The following RNF180 variants were observed in gnomAD, a reference collection of about 807,000 sequenced individuals.
The protein encoded by RNF180 is E3 ubiquitin-protein ligase RNF180.
RNF180 carries 38 observed loss-of-function variants against 59.2 expected under a neutral mutation model. The ratio of observed to expected loss-of-function variants is 0.64; its 90% confidence interval spans 0.50 to 0.84. RNF180 has a LOEUF of 0.84. RNF180 is among the 40% of genes least tolerant of loss of function. RNF180 has a pLI of 0.00. For missense variants in RNF180, 705 were observed against 700.9 expected, an observed-to-expected ratio of 1.01 and a Z score of -0.07; for synonymous variants, 262 against 240.3, an observed-to-expected ratio of 1.09 and a Z score of -0.84.
chr5:64,313,466 G>A (rs565991906), intron 5 of RNF180, among the ~76,000 whole-genome samples: 61 of 152,158 alleles, frequency 4.0e-4, no homozygotes, highest in African/African-American at 1.4e-3. Flanking sequence ...CTCCATCCAC[G>A]TTGCTGAAAA....
chr5:64,277,178 T>TAA (rs1191379408), intron 5 of RNF180, among the ~76,000 whole-genome samples: 1 of 112,462 alleles, frequency 8.9e-6, no homozygotes. Flanking sequence ...TGGGTGGTCT[T>TAA]AAAAAAAAAA....
chr5:64,193,042 G>A (rs1359679904), intron 1 of RNF180, among the ~76,000 whole-genome samples: 1 of 150,736 alleles, frequency 6.6e-6, no homozygotes, highest in Non-Finnish European at 1.5e-5. Flanking sequence ...TCACAGAAGG[G>A]CAAATACATT....
At chr5:64,318,435 C>G (rs549447978) in intron 5 of RNF180, among the ~76,000 whole-genome samples, 1 of 152,078 alleles carries the variant, frequency 6.6e-6, no homozygotes, top group African/African-American at 2.4e-5. Context: ...GAATGGCACA[C>G]AATTTAAAAC....
At chr5:64,359,134 C>A (rs1002721503) in intron 7 of RNF180, among the ~76,000 whole-genome samples, 17 of 151,390 alleles carry the variant, frequency 1.1e-4, no homozygotes, top group Non-Finnish European at 2.2e-4. Context: ...ATTTATAGTC[C>A]TTTGGGTATA....
intron 7 of RNF180, among the ~76,000 whole-genome samples, chr5:64,334,816 C>A (rs1745053030): frequency 6.6e-6 from 1 of 152,148 alleles, no homozygotes. Flanking sequence ...TGTTGATGAA[C>A]AATTGAGTGG....
rs546502146 is a variant in RNF180, at chr5:64,366,812, T to A, written c.1580-2803T>A. Among the ~76,000 whole-genome samples, 7 of 151,726 alleles carry A rather than the reference T, an allele frequency of 4.6e-5. No homozygotes were observed. The South Asian group carries it at 1.0e-3, about 22-fold the overall frequency. ...GAAAACGAAAGGGATAGGAAACATA[T>A]TTAATGAAATAATAGATGAGAACTT... On this transcript the variant is annotated intron_variant, in intron 7 of 7. Coordinates refer to ENST00000389100, the MANE Select transcript of RNF180 (RefSeq NM_001113561.2).
At chr5:64,277,178 TAA>T (rs1191379408) in intron 5 of RNF180, among the ~76,000 whole-genome samples, 4 of 112,434 alleles carry the variant, frequency 3.6e-5, no homozygotes, top group Admixed American at 9.3e-5. Flanking sequence ...TGGGTGGTCT[TAA>T]AAAAAAAAAA....
Position 64,237,832 on chromosome 5 carries a change from T to C in RNF180, c.1227+20436T>C, listed in dbSNP as rs1299994882. 2.0e-5 allele frequency among the ~76,000 whole-genome samples: 3 copies of C among 152,122 alleles called. No individual in the cohort carries two copies. The East Asian group carries it at 5.8e-4, about 29-fold the overall frequency. On this transcript the variant is annotated intron_variant, in intron 5 of 7. Transcript: ENST00000389100. ...TTCTCTCTCTCTCTCTGTCTCTCTCTCTCTCTTTCTCTTCCCCACCAACCC... is the reference window on the plus strand; with the variant it reads ...TTCTCTCTCTCTCTCTGTCTCTCTCCCTCTCTTTCTCTTCCCCACCAACCC...
At chr5:64,343,512 A>C (rs1211331107) in intron 7 of RNF180, among the ~76,000 whole-genome samples, 1 of 151,960 alleles carries the variant, frequency 6.6e-6, no homozygotes, top group African/African-American at 2.4e-5. Flanking sequence ...AAATCTCAGC[A>C]TAGCCTAATT....
At chr5:64,192,512 A>G (rs2112009303) in intron 1 of RNF180, among the ~76,000 whole-genome samples, 1 of 152,148 alleles carries the variant, frequency 6.6e-6, no homozygotes, top group Middle Eastern at 3.4e-3. Flanking sequence ...TGTCTAGTAC[A>G]AATACAAAAA....
intron 5 of RNF180, among the ~76,000 whole-genome samples, chr5:64,218,272 A>G (rs749066179): frequency 3.9e-5 from 6 of 152,192 alleles, no homozygotes; most frequent in Non-Finnish European, 8.8e-5. Flanking sequence ...AAAATTGAGA[A>G]TTAGGATTCA....
At chr5:64,248,027 A>T (rs1315260989) in intron 5 of RNF180, among the ~76,000 whole-genome samples, 2 of 152,236 alleles carry the variant, frequency 1.3e-5, no homozygotes, top group African/African-American at 2.4e-5. Flanking sequence ...CTCATTTAAT[A>T]AATGTTTTTG....
At chr5:64,242,188 C>G (rs1742847605) in intron 5 of RNF180, among the ~76,000 whole-genome samples, 1 of 152,190 alleles carries the variant, frequency 6.6e-6, no homozygotes, top group Admixed American at 6.5e-5. Flanking sequence ...GGGCTTCTGT[C>G]AGCCCTACAC....
intron 2 of RNF180, among the ~76,000 whole-genome samples, chr5:64,204,929 A>G (rs1277546027): frequency 6.6e-6 from 1 of 152,132 alleles, no homozygotes; most frequent in East Asian, 1.9e-4. Context: ...GCATGCAGAC[A>G]TGAAATGGCT....
chr5:64,332,376 TAGAA>T (rs1744946557), intron 7 of RNF180, among the ~76,000 whole-genome samples: 1 of 152,148 alleles, frequency 6.6e-6, no homozygotes, highest in African/African-American at 2.4e-5. Context: ...TTAAAACAAA[TAGAA>T]AGTAACAGAG....
intron 5 of RNF180, among the ~76,000 whole-genome samples, chr5:64,260,990 T>TTTTG (rs1744307515): frequency 6.6e-6 from 1 of 151,890 alleles, no homozygotes; most frequent in South Asian, 2.1e-4. Context: ...CCAACAGTCA[T>TTTTG]GCTCATACTG....
intron 6 of RNF180, among the ~76,000 whole-genome samples, chr5:64,326,806 G>C (rs1744668133): frequency 6.6e-6 from 1 of 152,128 alleles, no homozygotes; most frequent in South Asian, 2.1e-4. Flanking sequence ...TGGTATCAGA[G>C]TTATGTTGGC....
intron 5 of RNF180, among the ~76,000 whole-genome samples, chr5:64,269,029 C>G (rs1031969416): frequency 6.6e-6 from 1 of 152,126 alleles, no homozygotes; most frequent in Non-Finnish European, 1.5e-5. Flanking sequence ...TGTCCATACC[C>G]TTGCTCATAC....
intron 5 of RNF180, among the ~76,000 whole-genome samples, chr5:64,271,837 T>C (rs980042779): frequency 2.0e-5 from 3 of 152,098 alleles, no homozygotes; most frequent in African/African-American, 4.8e-5. Context: ...GTTTTCTCAC[T>C]GTGACACAAA....
Sources: gnomAD v4.1 joint callset for allele counts (sites outside exome capture counted in the v4.1 genomes callset) on GRCh38, gnomAD v4.1.1 for gene constraint, MANE v1.5 for transcripts, NCBI Gene and HGNC (gene_info 2026-07-23, HGNC 2026-07-21) for gene names.